IGSF1: variants seen among roughly 807,000 people sequenced by gnomAD.
The protein encoded by IGSF1 is immunoglobulin superfamily member 1, also known as immunoglobulin-like domain-containing protein 1.
A neutral mutation model predicts 95.3 loss-of-function variants in IGSF1; 40 were observed. That is an observed-to-expected ratio of 0.42 (90% CI 0.33 to 0.55). The LOEUF (loss-of-function observed/expected upper bound fraction) is 0.55. Ranked by LOEUF, IGSF1 falls within the 20% of genes least tolerant of loss-of-function variation. IGSF1 has a pLI of 0.10. For synonymous variants in IGSF1, 372 were observed against 382.9 expected (o/e 0.97, Z 0.33); for missense variants, 906 against 1,025.4 (o/e 0.88, Z 1.59).
intron 18 of IGSF1, 125 bp downstream of exon 18, chrX:131,274,474 A>T: frequency 2.7e-6 from 2 of 751,997 alleles, no homozygotes; most frequent in Admixed American, 6.3e-5. Context: ...TAGGAGAAAG[A>T]TGACACACTT....
chrX:131,282,855 T>G, intron 6 of IGSF1, 118 bp from the exon 7 acceptor site: 4 of 948,546 alleles, frequency 4.2e-6, no homozygotes, highest in Non-Finnish European at 5.9e-6. Context: ...TACACCCAGT[T>G]TTACAAATTC....
chrX:131,276,706 C>T (rs2080479349), intron 14 of IGSF1, among the ~76,000 whole-genome samples: 1 of 111,782 alleles, frequency 8.9e-6, no homozygotes, highest in Non-Finnish European at 1.9e-5. Flanking sequence ...CCCCATCTAC[C>T]TCATTTATTT....
rs762097558 is a variant in IGSF1 at position 131,275,037 on chromosome X, G to A, written c.3434C>T (p.Ala1145Val). 7.4e-6 allele frequency: 9 copies of A among 1,211,081 alleles called. No individual in the cohort carries two copies. The Admixed American group carries it at 2.0e-4, about 26-fold the overall frequency. ...VYYLDSTPFAASNHSDSLEIW... is the reference protein window; with the variant it reads ...VYYLDSTPFAVSNHSDSLEIW... ...CTCCAGGGAGTCACTGTGATTTGAAGCTGCAAAGGGAGTAGAGTCCAAATA... is the reference window on the plus strand; with the variant it reads ...CTCCAGGGAGTCACTGTGATTTGAAACTGCAAAGGGAGTAGAGTCCAAATA... The change falls in exon 17 of 20, where the codon GCT becomes GTT. Residue 1145 changes from alanine to valine, a missense_variant. Ala to Val is a moderately conservative substitution (Grantham distance 64). Around this residue, in one of 5 missense-constraint regions of IGSF1, gnomAD observed 411 missense variants for 494.9 expected, o/e 0.83. Transcript: ENST00000361420.
chrX:131,275,372 G>C, intron 16 of IGSF1, 86 bp from the exon 17 acceptor site: 1 of 1,119,714 alleles, frequency 8.9e-7, no homozygotes, highest in Non-Finnish European at 1.2e-6. Flanking sequence ...AAGAGGAAAG[G>C]CAATTGGTTG....
chrX:131,274,609 C>G lies in IGSF1; in HGVS notation c.3741G>C (p.Val1247=). 1 of 1,211,043 alleles carries G rather than the reference C, an allele frequency of 8.3e-7. No homozygotes were observed. Among genetic ancestry groups the G allele is most frequent in the East Asian group, 3.0e-5 (1 of 33,830 alleles). ...AGATTATTCTCTTACCTGCTGCCCCCACCAGCTCCAGGGGATCACTAGGCT... is the reference window on the plus strand; with the variant it reads ...AGATTATTCTCTTACCTGCTGCCCCGACCAGCTCCAGGGGATCACTAGGCT... The part of the protein sequence containing the change: ...WSEPSDPLEL[V]GAAGPVAQEC... The change falls in exon 18 of 20, where the codon GTG becomes GTC. Residue 1247 remains valine (V), a synonymous_variant. Coordinates refer to ENST00000361420, the MANE Select transcript of IGSF1 (RefSeq NM_001555.5).
In IGSF1 at chrX:131,274,105, T is replaced by G; in HGVS notation, c.3853A>C (p.Lys1285Gln). 1 of 1,211,527 alleles carries G rather than the reference T, an allele frequency of 8.3e-7. No individual in the cohort carries two copies. The highest frequency in any genetic ancestry group is 1.8e-5 in the South Asian group (1 of 56,964). ...LGVVLAIEWKKWPRLRTRGSE... is the reference protein window; with the variant it reads ...LGVVLAIEWKQWPRLRTRGSE... ...TACCTGGTTCGCAGTCGAGGCCACT[T>G]CTTCCACTCTATGGCTAGCACTACC... The change falls in exon 19 of 20, where the codon AAG becomes CAG. Residue 1285 changes from lysine to glutamine, a missense_variant. By Grantham distance (53) the Lys-to-Gln change is moderately conservative. Around this residue, in one of 5 missense-constraint regions of IGSF1, gnomAD observed 411 missense variants for 494.9 expected, o/e 0.83. Coordinates refer to ENST00000361420, the MANE Select transcript of IGSF1 (RefSeq NM_001555.5).
chrX:131,278,594 C>G lies in IGSF1; in HGVS notation c.1908G>C (p.Pro636=). 1 of 1,211,624 alleles carries G rather than the reference C, an allele frequency of 8.3e-7. No individual in the cohort carries two copies. Among genetic ancestry groups the G allele is most frequent in the Non-Finnish European group, 1.1e-6 (1 of 895,362 alleles). The change falls in exon 12 of 20, where the codon CCG becomes CCC. Residue 636 remains proline (P), a synonymous_variant. Coordinates refer to ENST00000361420, the MANE Select transcript of IGSF1 (RefSeq NM_001555.5). ...KDGTGWIATR[P]ASEQVRAAFP... Reference sequence around the variant, plus strand: ...AGGCAGCCCGGACCTGCTCTGAGGCCGGGCGAGTGGCGATCCACCCGGTCC... The same window carrying G: ...AGGCAGCCCGGACCTGCTCTGAGGCGGGGCGAGTGGCGATCCACCCGGTCC...
At chrX:131,276,505 C>A (rs1476525410) in intron 14 of IGSF1, among the ~76,000 whole-genome samples, 1 of 111,705 alleles carries the variant, frequency 9.0e-6, no homozygotes, top group East Asian at 2.8e-4. Flanking sequence ...TCCACTTATG[C>A]ACAGTTGTGT....
intron 8 of IGSF1, 151 bp from the exon 9 acceptor site, chrX:131,281,489 T>A: frequency 1.1e-6 from 1 of 889,549 alleles, no homozygotes; most frequent in Non-Finnish European, 1.6e-6. Flanking sequence ...AATGGGAGCC[T>A]TGAAATTATC....
At position 131,285,267 on chromosome X, in the gene IGSF1, A is replaced by G; in HGVS notation, c.579T>C (p.Asp193=). The stretch of plus-strand genomic sequence containing the variant: ...GAGTGCGGCAGATGTAAACCCCTTC[A>G]TCCTCAGGTGTCAGGTTGTCAATGG... ...IFSIDNLTPE[D]EGVYICRTHI... Residue 193 remains aspartate, a synonymous_variant, in exon 5 of 20, where the codon GAT becomes GAC. Coordinates refer to ENST00000361420, the MANE Select transcript of IGSF1 (RefSeq NM_001555.5). The G allele has an allele frequency of 8.3e-7, 1 of 1,211,097 alleles. No individual in the cohort carries two copies. Among genetic ancestry groups the G allele is most frequent in the Non-Finnish European group, 1.1e-6 (1 of 895,054 alleles).
rs202014636 is a variant in IGSF1, at chrX:131,289,245, T to TC, written c.-100_-99insG. ...TGAAGGCCCGCTCCGATGTTGGAGA[T>TC]TCTCCAGTGAGCTCCTCCAGATGCA... is the stretch of plus-strand genomic sequence containing the variant. On this transcript the variant is annotated 5_prime_UTR_variant, in exon 1 of 20. The change abolishes the stop of an existing upstream ORF in the 5' untranslated region. Transcript: ENST00000361420. 0.023 allele frequency: 8,545 copies of TC among 373,854 alleles called. 78 individuals carry two copies. Among genetic ancestry groups the TC allele is most frequent in the Non-Finnish European group, 0.034 (6,461 of 192,169 alleles). The allele number at this position is 373,854 out of a possible 1,213,427, so 30.8% of individuals were successfully genotyped here. A position where few individuals can be genotyped will look rare whatever the true frequency, so the allele number is the denominator to read the frequency against.
rs745964986 is a variant in IGSF1 at position 131,274,763 on chromosome X, T to A, written c.3587A>T (p.His1196Leu). 1.7e-6 allele frequency: 2 copies of A among 1,211,729 alleles called. No individual in the cohort carries two copies. Among genetic ancestry groups the A allele is most frequent in the Admixed American group, 4.3e-5 (2 of 46,067 alleles). ...PLPGVEFVLE[H>L]DGEEAPQQFS... ...CTGCTGAGGTGCTTCTTCTCCATCA[T>A]GTTCTAGGACAAATTCAACACCTGG... is the stretch of plus-strand genomic sequence containing the variant. Residue 1196 changes from histidine (H) to leucine (L), a missense_variant, in exon 18 of 20, where the codon CAT (histidine) becomes CTT (leucine). Transcript: ENST00000361420.
upstream of IGSF1, chrX:131,289,315 C>T (rs1603407040): frequency 2.7e-6 from 1 of 373,947 alleles, no homozygotes; most frequent in Non-Finnish European, 5.2e-6. Flanking sequence ...ACAGCCTCTT[C>T]GGCTCTGAGC....
chrX:131,277,834 C>T (rs1295515088), intron 13 of IGSF1, 22 bp downstream of exon 13: 1 of 1,196,906 alleles, frequency 8.4e-7, no homozygotes, highest in African/African-American at 1.7e-5. Flanking sequence ...CCCCTTTCCT[C>T]CCACACCCTT....
At chrX:131,279,939 T>G (rs1024070710) in intron 9 of IGSF1, among the ~76,000 whole-genome samples, 1 of 111,911 alleles carries the variant, frequency 8.9e-6, no homozygotes, top group Non-Finnish European at 1.9e-5. Flanking sequence ...AGATTATAAC[T>G]AGAAATGTGC....
intron 5 of IGSF1, chrX:131,284,572 G>T (rs2080606325): frequency 2.7e-6 from 2 of 752,155 alleles, no homozygotes; most frequent in Non-Finnish European, 3.1e-6. Context: ...GGGGAGTTCG[G>T]GCTGGGACAT....
chrX:131,282,798 G>T, intron 6 of IGSF1, 61 bp from the exon 7 acceptor site: 1 of 1,074,060 alleles, frequency 9.3e-7, no homozygotes, highest in Non-Finnish European at 1.3e-6. Context: ...CACTCCTTAA[G>T]ATTCTTTTCC....
intron 5 of IGSF1, chrX:131,284,465 C>G: frequency 4.1e-6 from 3 of 730,266 alleles, no homozygotes; most frequent in Non-Finnish European, 4.9e-6. Flanking sequence ...AGGGTACTTT[C>G]TGTAGCACCA....
At chrX:131,287,246 C>T (rs1487813415) in intron 1 of IGSF1, among the ~76,000 whole-genome samples, 1 of 108,114 alleles carries the variant, frequency 9.2e-6, no homozygotes, top group African/African-American at 3.4e-5. Context: ...ACTACCATCC[C>T]CATTTTACTG....
Sources: allele counts gnomAD v4.1 joint callset (sites outside exome capture counted in the v4.1 genomes callset), GRCh38; gene constraint gnomAD v4.1.1; regional missense constraint gnomAD v4.1.1; transcripts MANE v1.5; gene names NCBI Gene and HGNC (gene_info 2026-07-23, HGNC 2026-07-21).